Variants in SGPP2 observed in about 807,000 individuals in gnomAD.
SGPP2 encodes the protein sphingosine 1-phosphate phosphohydrolase 2.
A neutral mutation model predicts 33.9 loss-of-function variants in SGPP2; 30 were observed. The ratio of observed to expected loss-of-function variants is 0.89; its 90% CI spans 0.66 to 1.20. The LOEUF is 1.20. Ranked by LOEUF, SGPP2 falls within the 50% of genes most tolerant of loss-of-function variation. SGPP2 has a pLI of 0.00. For missense variants in SGPP2, 458 were observed against 532.1 expected, an observed-to-expected ratio of 0.86 and a Z score of 1.37; for synonymous variants, 233 against 225.0, an observed-to-expected ratio of 1.04 and a Z score of -0.32.
chr2:222,548,171 A>ATAGTAAACAATAAGTTG (rs1300165751), intron 4 of SGPP2, among the ~76,000 whole-genome samples: 7 of 152,380 alleles, frequency 4.6e-5, no homozygotes, highest in African/African-American at 1.7e-4. Flanking sequence ...TCATTAATCA[A>ATAGTAAACAATAAGTTG]TAGTAAACAA....
At chr2:222,434,969 G>GAGATAT (rs1559142552) in intron 1 of SGPP2, among the ~76,000 whole-genome samples, 1 of 19,238 alleles carries the variant, frequency 5.2e-5, no homozygotes, top group African/African-American at 1.9e-4. Flanking sequence ...ACAGAATGGA[G>GAGATAT]ATATATACAC....
chr2:222,509,814 A>T (rs1040498749), intron 2 of SGPP2, among the ~76,000 whole-genome samples: 1 of 152,230 alleles, frequency 6.6e-6, no homozygotes, highest in African/African-American at 2.4e-5. Context: ...AATTCAGCAT[A>T]TTCACAGAGT....
intron 1 of SGPP2, among the ~76,000 whole-genome samples, chr2:222,474,113 T>C (rs914299901): frequency 7.9e-5 from 12 of 152,174 alleles, no homozygotes; most frequent in African/African-American, 2.9e-4. Context: ...ATACAAATTT[T>C]AAAATAGAAA....
At chr2:222,445,615 G>A (rs1212457154) in intron 1 of SGPP2, among the ~76,000 whole-genome samples, 1 of 152,168 alleles carries the variant, frequency 6.6e-6, no homozygotes, top group Non-Finnish European at 1.5e-5. Flanking sequence ...GCTCCCTGAT[G>A]TAGTGGGCAG....
chr2:222,554,429 A>G (rs1387283482), intron 4 of SGPP2, among the ~76,000 whole-genome samples: 1 of 152,220 alleles, frequency 6.6e-6, no homozygotes, highest in Non-Finnish European at 1.5e-5. Context: ...TATTACAAAC[A>G]ATACTACAAC....
chr2:222,426,592 A>G (rs1233644573), intron 1 of SGPP2, among the ~76,000 whole-genome samples: 1 of 152,032 alleles, frequency 6.6e-6, no homozygotes, highest in South Asian at 2.1e-4. Context: ...CGGTTTCCCC[A>G]CACCCACCCA....
intron 4 of SGPP2, among the ~76,000 whole-genome samples, chr2:222,557,560 T>A (rs960275841): frequency 6.6e-6 from 1 of 152,158 alleles, no homozygotes; most frequent in Non-Finnish European, 1.5e-5. Context: ...AGAAAGTGCT[T>A]AACTCTAGGT....
chr2:222,519,923 C>T (rs1053431721), intron 2 of SGPP2, among the ~76,000 whole-genome samples: 6 of 152,178 alleles, frequency 3.9e-5, no homozygotes, highest in African/African-American at 1.4e-4. Context: ...TATTGATGGG[C>T]ACCTAGGTGG....
intron 2 of SGPP2, among the ~76,000 whole-genome samples, chr2:222,484,331 C>T (rs1160227314): frequency 6.6e-6 from 1 of 152,198 alleles, no homozygotes; most frequent in Non-Finnish European, 1.5e-5. Flanking sequence ...AGAATTGTAG[C>T]TGTCCCAGAT....
At position 222,452,875 on chromosome 2, in the gene SGPP2, G is replaced by C. The variant is rs1697513811; in HGVS notation, c.220-21693G>C. On this transcript the variant is annotated intron_variant, in intron 1 of 4. Transcript: ENST00000321276. ...CTCTTAGATTTCATTCTCTGGTTCT[G>C]GAACCAGGTCTTCACCTGTTTGTAG... The C allele has an allele frequency of 3.7e-6, 6 of 1,606,862 alleles. No individual in the cohort carries two copies. The Admixed American group carries it at 1.0e-4, about 27-fold the overall frequency.
chr2:222,452,067 T>G (rs1697499807), intron 1 of SGPP2, among the ~76,000 whole-genome samples: 1 of 152,148 alleles, frequency 6.6e-6, no homozygotes, highest in African/African-American at 2.4e-5. Context: ...TTATTTCTTA[T>G]TCTTGAGGTT....
At chr2:222,449,408 T>C (rs940803033) in intron 1 of SGPP2, among the ~76,000 whole-genome samples, 10 of 152,024 alleles carry the variant, frequency 6.6e-5, no homozygotes, top group African/African-American at 2.4e-4. Context: ...GGTTTACAAC[T>C]TTGAAGAACT....
intron 2 of SGPP2, among the ~76,000 whole-genome samples, chr2:222,480,901 G>T (rs1046637093): frequency 6.6e-6 from 1 of 152,188 alleles, no homozygotes; most frequent in African/African-American, 2.4e-5. Context: ...AGAAAAGGTG[G>T]TACATATGCA....
intron 1 of SGPP2, chr2:222,453,224 A>C: frequency 1.3e-6 from 1 of 770,268 alleles, no homozygotes. Flanking sequence ...AATGACAGGC[A>C]TAGGTGAAGA....
intron 4 of SGPP2, among the ~76,000 whole-genome samples, chr2:222,536,515 A>G (rs931941537): frequency 6.6e-6 from 1 of 152,114 alleles, no homozygotes; most frequent in Non-Finnish European, 1.5e-5. Flanking sequence ...CCCTGTCTCT[A>G]CTAAAAATGC....
In SGPP2 at chr2:222,535,578, C is replaced by T. The variant is rs142510981; in HGVS notation, c.648+10545C>T. ...TCAGAGGCCCCTGCGTGGCAGAGAG[C>T]CACAGTCGAAAGGGCTGGAGCAGGC... is the stretch of plus-strand genomic sequence containing the variant. On this transcript the variant is annotated intron_variant, in intron 4 of 4. Transcript: ENST00000321276. 1.7e-3 allele frequency among the ~76,000 whole-genome samples: 253 copies of T among 152,302 alleles called. 1 individual carries two copies. The highest frequency in any genetic ancestry group is 0.014 in the Admixed American group (216 of 15,302).
At chr2:222,489,610 G>C (rs1040112816) in intron 2 of SGPP2, among the ~76,000 whole-genome samples, 1 of 152,156 alleles carries the variant, frequency 6.6e-6, no homozygotes, top group Admixed American at 6.5e-5. Context: ...TACAAAGAAT[G>C]GTTGACTGTC....
At chr2:222,519,587 G>T (rs1166895931) in intron 2 of SGPP2, among the ~76,000 whole-genome samples, 1 of 152,144 alleles carries the variant, frequency 6.6e-6, no homozygotes, top group East Asian at 1.9e-4. Flanking sequence ...TTTTAGATAT[G>T]GGGGATATAT....
chr2:222,431,518 G>A (rs563474231), intron 1 of SGPP2, among the ~76,000 whole-genome samples: 3 of 151,948 alleles, frequency 2.0e-5, no homozygotes, highest in South Asian at 4.2e-4. Flanking sequence ...CCCCCCGCTC[G>A]AAGTCTAAAA....
Sources: allele counts gnomAD v4.1 joint callset (sites outside exome capture counted in the v4.1 genomes callset), GRCh38; gene constraint gnomAD v4.1.1; transcripts MANE v1.5; gene names NCBI Gene and HGNC (gene_info 2026-07-23, HGNC 2026-07-21).